The following CMIP variants were observed in gnomAD, a reference collection of about 807,000 sequenced individuals.
The protein encoded by CMIP is C-Maf-inducing protein.
CMIP carries 13 observed loss-of-function variants against 97.3 expected under a neutral mutation model. That is an observed-to-expected ratio of 0.13 (90% CI 0.09 to 0.21). CMIP has a LOEUF of 0.21. Ranked by LOEUF, CMIP falls within the 10% of genes least tolerant of loss-of-function variation. The pLI is 1.00. For synonymous variants in CMIP, 538 were observed against 436.3 expected (o/e 1.23, Z -2.91); for missense variants, 847 against 1,024.9 (o/e 0.83, Z 2.37).
chr16:81,682,761 G>C (rs1355291369), intron 10 of CMIP, among the ~76,000 whole-genome samples: 1 of 152,234 alleles, frequency 6.6e-6, no homozygotes, highest in African/African-American at 2.4e-5. Context: ...GCCCTGATCA[G>C]TTGCTGCGTG....
At chr16:81,520,171 G>A (rs35155142) in intron 1 of CMIP, 1 of 152,212 alleles carries the variant, frequency 6.6e-6, no homozygotes, top group Non-Finnish European at 1.5e-5. Flanking sequence ...ATAGCAAAGC[G>A]GCTGTGAGCC....
chr16:81,603,898 G>T (rs1276902767), intron 1 of CMIP, among the ~76,000 whole-genome samples: 3 of 152,194 alleles, frequency 2.0e-5, no homozygotes, highest in Non-Finnish European at 4.4e-5. Flanking sequence ...TGATAAACTG[G>T]ATCTCTGGTA....
chr16:81,571,302 T>C (rs1393937134), intron 1 of CMIP, among the ~76,000 whole-genome samples: 2 of 152,034 alleles, frequency 1.3e-5, no homozygotes, highest in Non-Finnish European at 2.9e-5. Context: ...AGACCCTGTC[T>C]CTAGCAAAAC....
chr16:81,659,173 G>A (rs1281870345), intron 5 of CMIP, among the ~76,000 whole-genome samples: 2 of 152,216 alleles, frequency 1.3e-5, no homozygotes, highest in African/African-American at 4.8e-5. Context: ...TTCTGGCATA[G>A]TATTAATTCA....
chr16:81,640,952 C>G (rs1404306654), intron 3 of CMIP, among the ~76,000 whole-genome samples: 1 of 152,134 alleles, frequency 6.6e-6, no homozygotes, highest in Non-Finnish European at 1.5e-5. Context: ...ACAGTCCAAC[C>G]CACAACACCA....
intron 1 of CMIP, among the ~76,000 whole-genome samples, chr16:81,568,041 T>G (rs75803358): frequency 4.1e-3 from 122 of 29,844 alleles, no homozygotes; most frequent in African/African-American, 8.0e-3. Flanking sequence ...GTGTGTGTGT[T>G]TTTTTTTTTT....
intron 3 of CMIP, among the ~76,000 whole-genome samples, chr16:81,647,439 C>T (rs533575699): frequency 2.6e-5 from 4 of 152,254 alleles, no homozygotes; most frequent in East Asian, 1.9e-4. Flanking sequence ...TGGGTTTCAC[C>T]GCATGCTATA....
intron 1 of CMIP, among the ~76,000 whole-genome samples, chr16:81,471,352 A>T (rs757111700): frequency 6.6e-6 from 1 of 152,258 alleles, no homozygotes; most frequent in Non-Finnish European, 1.5e-5. Flanking sequence ...ATAGGTGCAC[A>T]CATATGTATA....
At chr16:81,556,054 C>G (rs1250957351) in intron 1 of CMIP, among the ~76,000 whole-genome samples, 1 of 152,182 alleles carries the variant, frequency 6.6e-6, no homozygotes, top group Non-Finnish European at 1.5e-5. Flanking sequence ...CTGTCTGAAG[C>G]CATTTTTTCC....
At chr16:81,495,505 A>C (rs367696450) in intron 1 of CMIP, 5 of 1,611,192 alleles carry the variant, frequency 3.1e-6, no homozygotes, top group Non-Finnish European at 4.2e-6. Context: ...GTACAGTCCC[A>C]TGTGGGGAAC....
At chr16:81,686,378 G>A (rs1465969452) in intron 10 of CMIP, among the ~76,000 whole-genome samples, 1 of 152,194 alleles carries the variant, frequency 6.6e-6, no homozygotes, top group Non-Finnish European at 1.5e-5. Context: ...GCAGCTCTGA[G>A]AACCCCAGGC....
At chr16:81,547,060 G>T (rs2090560563) in intron 1 of CMIP, among the ~76,000 whole-genome samples, 1 of 152,146 alleles carries the variant, frequency 6.6e-6, no homozygotes, top group South Asian at 2.1e-4. Flanking sequence ...GGGCAGTCTG[G>T]GCTGGGATGT....
chr16:81,704,049 G>A lies in CMIP; in HGVS notation c.2055G>A (p.Leu685=), dbSNP rs1246314369. Residue 685 remains leucine (L), a synonymous_variant, in exon 18 of 21, where the codon CTG becomes CTA. Coordinates refer to ENST00000537098, the MANE Select transcript of CMIP (RefSeq NM_198390.3). ...CCTGCGCCGAGCACCTCATCAAACTGCCTTCGCTCAAGCAGCTGAACCTGT... is the reference window on the plus strand; with the variant it reads ...CCTGCGCCGAGCACCTCATCAAACTACCTTCGCTCAAGCAGCTGAACCTGT... The part of the protein sequence containing the change: ...TSACAEHLIK[L]PSLKQLNLWS... 6 of 1,605,514 alleles carry A rather than the reference G, an allele frequency of 3.7e-6. No individual in the cohort carries two copies. The South Asian group carries it at 5.6e-5, about 15-fold the overall frequency.
chr16:81,686,103 G>A (rs2151070859), intron 10 of CMIP, among the ~76,000 whole-genome samples: 1 of 152,352 alleles, frequency 6.6e-6, no homozygotes, highest in Non-Finnish European at 1.5e-5. Flanking sequence ...GTTGCTGGGA[G>A]AGTTGCATGG....
At position 81,614,950 on chromosome 16, in the gene CMIP, T is replaced by C. The variant is rs993945052; in HGVS notation, c.427-5926T>C. Among the ~76,000 whole-genome samples the C allele has an allele frequency of 1.3e-5, 2 of 150,944 alleles. No homozygotes were observed. Among genetic ancestry groups the C allele is most frequent in the African/African-American group, 2.4e-5 (1 of 40,926 alleles). Reference sequence around the variant, plus strand: ...TGTATCTCTGTGTGTGGTGTGTGCATGTGTGTGGTGTGTTGTGTGATATGT... The same window carrying C: ...TGTATCTCTGTGTGTGGTGTGTGCACGTGTGTGGTGTGTTGTGTGATATGT... On this transcript the variant is annotated intron_variant, in intron 2 of 20. Coordinates refer to ENST00000537098, the MANE Select transcript of CMIP (RefSeq NM_198390.3). This position sits in a 1 kb window ranked among gnomAD's most constrained non-coding sequence, Gnocchi z 5.3.
intron 10 of CMIP, among the ~76,000 whole-genome samples, chr16:81,689,497 A>T (rs1054151409): frequency 2.6e-5 from 4 of 152,000 alleles, no homozygotes; most frequent in African/African-American, 9.7e-5. Flanking sequence ...CCACTTTTTG[A>T]TGGGGTTGAT....
At chr16:81,664,398 G>C in intron 7 of CMIP, 49 bp downstream of exon 7, 494 of 1,484,632 alleles carry the variant, frequency 3.3e-4, no homozygotes, top group Non-Finnish European at 4.1e-4. Flanking sequence ...AGAACATGAG[G>C]CCCCGCGCGC....
chr16:81,487,374 C>T (rs774837748), intron 1 of CMIP, among the ~76,000 whole-genome samples: 23 of 152,176 alleles, frequency 1.5e-4, no homozygotes, highest in Admixed American at 2.0e-4. Context: ...TGGTCAGGGC[C>T]GAGTGGGGCT....
At chr16:81,608,700 C>A (rs777896399) in intron 2 of CMIP, among the ~76,000 whole-genome samples, 30 of 152,024 alleles carry the variant, frequency 2.0e-4, no homozygotes, top group Middle Eastern at 3.4e-3. Context: ...TGACAAAAAC[C>A]ACGACCACGG....
Sources: gnomAD v4.1 joint callset for allele counts (sites outside exome capture counted in the v4.1 genomes callset) on GRCh38, gnomAD v4.1.1 for gene constraint, Gnocchi (gnomAD v3.1) non-coding constraint, MANE v1.5 for transcripts, NCBI Gene and HGNC (gene_info 2026-07-23, HGNC 2026-07-21) for gene names.